Variants in CELF2 observed in about 807,000 individuals in gnomAD.
CELF2 encodes CUGBP Elav-like family member 2.
A neutral mutation model predicts 62.6 loss-of-function variants in CELF2; 8 were observed. The observed-to-expected ratio is 0.13, with a 90% confidence interval of 0.07 to 0.23. CELF2 has a LOEUF of 0.23. Among genes scored for constraint, CELF2 ranks in the 10% least tolerant of loss-of-function variants. The pLI, the probability that CELF2 is intolerant of heterozygous loss-of-function variation, is 1.00. For missense variants in CELF2, 333 were observed against 671.0 expected (o/e 0.50, Z 5.56); for synonymous variants, 258 against 250.0 (o/e 1.03, Z -0.30).
chr10:10,462,804 G>C, the CELF2 span, among the ~76,000 whole-genome samples: 4 of 151,830 alleles, frequency 2.6e-5, no homozygotes, highest in Non-Finnish European at 5.9e-5. Context: ...TGTCTACCCC[G>C]ATGATGCTTC....
intron 2 of CELF2, among the ~76,000 whole-genome samples, chr10:10,940,745 C>T (rs1425134095): frequency 1.3e-5 from 2 of 152,260 alleles, no homozygotes; most frequent in South Asian, 2.1e-4. Flanking sequence ...GCATAAATCT[C>T]AATGTGTTCA....
rs187807382 is a variant in CELF2, at chr10:11,316,969, C to T, written c.1096+2711C>T. 6.6e-6 allele frequency: 1 copy of T among 152,246 alleles called. No individual in the cohort carries two copies. The highest frequency in any genetic ancestry group is 2.4e-5 in the African/African-American group (1 of 41,546). The allele number at this position is 152,246 out of a possible 1,614,324, so 9.4% of individuals were successfully genotyped here. On this transcript the variant is annotated intron_variant, in intron 10 of 12. Coordinates refer to ENST00000633077, the MANE Select transcript of CELF2 (RefSeq NM_001326342.2). This position sits in a 1 kb window ranked among gnomAD's most constrained non-coding sequence, Gnocchi z 4.4. Reference sequence around the variant, plus strand: ...TGTGATTGACCATCAGAGTGTTCACCTCTGGATTTTTTCAGGGTTCCCTGA... The same window carrying T: ...TGTGATTGACCATCAGAGTGTTCACTTCTGGATTTTTTCAGGGTTCCCTGA...
chr10:10,660,939 C>T, the CELF2 span, among the ~76,000 whole-genome samples: 2 of 152,178 alleles, frequency 1.3e-5, no homozygotes, highest in Non-Finnish European at 2.9e-5. Flanking sequence ...TCATCTGTGT[C>T]GGGGACTCTG....
chr10:10,921,488 G>A (rs1247427844), intron 2 of CELF2, among the ~76,000 whole-genome samples: 4 of 145,802 alleles, frequency 2.7e-5, no homozygotes, highest in African/African-American at 1.0e-4. Context: ...AGCTGGTCTC[G>A]AACTCCTGAC....
chr10:10,554,262 A>G, the CELF2 span, among the ~76,000 whole-genome samples: 4 of 152,168 alleles, frequency 2.6e-5, no homozygotes, highest in African/African-American at 9.7e-5. Context: ...ATGTATGCAT[A>G]GGACATTTCA....
At chr10:11,019,922 T>G (rs978343416) in intron 1 of CELF2, among the ~76,000 whole-genome samples, 69 of 152,348 alleles carry the variant, frequency 4.5e-4, no homozygotes, top group Non-Finnish European at 8.8e-4. Flanking sequence ...ATTCGCCTAA[T>G]CATGATTTTG....
chr10:10,864,917 T>G (rs1207799619), intron 1 of CELF2, among the ~76,000 whole-genome samples: 1 of 152,194 alleles, frequency 6.6e-6, no homozygotes, highest in African/African-American at 2.4e-5. Flanking sequence ...GAAAAAGATA[T>G]ATATTCACAA....
chr10:11,043,660 C>A (rs944934775), intron 1 of CELF2, among the ~76,000 whole-genome samples: 1 of 152,166 alleles, frequency 6.6e-6, no homozygotes, highest in African/African-American at 2.4e-5. Flanking sequence ...CTTTGCTTCT[C>A]CCACATTCTC....
rs1365491804 is a variant in CELF2 at position 11,325,998 on chromosome 10, G to T, written c.1438+19G>T. 7 of 1,604,478 alleles carry T rather than the reference G, an allele frequency of 4.4e-6. No homozygotes were observed. The highest frequency in any genetic ancestry group is 6.0e-6 in the Non-Finnish European group (7 of 1,176,060). On this transcript the variant is annotated intron_variant, in intron 12 of 12. Coordinates refer to ENST00000633077, the MANE Select transcript of CELF2 (RefSeq NM_001326342.2). ...TGCTTTGGTATGCAAAAGAAACTAAGCTAGTATATTGCAGTAGGTTCCCAA... is the reference window on the plus strand; with the variant it reads ...TGCTTTGGTATGCAAAAGAAACTAATCTAGTATATTGCAGTAGGTTCCCAA...
the CELF2 span, among the ~76,000 whole-genome samples, chr10:10,558,180 A>G: frequency 2.6e-5 from 4 of 152,138 alleles, no homozygotes; most frequent in Non-Finnish European, 5.9e-5. Flanking sequence ...TTTGTCATAG[A>G]TAGCTCTTAT....
the CELF2 span, among the ~76,000 whole-genome samples, chr10:10,738,393 A>G: frequency 6.6e-6 from 1 of 152,216 alleles, no homozygotes; most frequent in East Asian, 1.9e-4. Context: ...AAATGGCAAA[A>G]GAGTGACTTG....
rs2095997198 is a variant in CELF2, at chr10:11,330,792, T to C, written c.*1739T>C. On this transcript the variant is annotated 3_prime_UTR_variant, in exon 13 of 13. Transcript: ENST00000633077. This position sits in a 1 kb window ranked among gnomAD's most constrained non-coding sequence, Gnocchi z 4.5. ...CAGACTTGAAAGTATTATACAGGGA[T>C]TGGCATTCTTCCCGGTCACTGGTAA... The C allele has an allele frequency of 6.6e-6, 1 of 152,622 alleles. No individual in the cohort carries two copies. Among genetic ancestry groups the C allele is most frequent in the Non-Finnish European group, 1.5e-5 (1 of 68,032 alleles). 9.5% of individuals were successfully genotyped at this position (152,622 alleles called of 1,614,324 possible).
intron 2 of CELF2, among the ~76,000 whole-genome samples, chr10:10,939,388 C>T (rs1394344984): frequency 6.6e-6 from 1 of 152,006 alleles, no homozygotes; most frequent in Admixed American, 6.6e-5. Flanking sequence ...TGGGTTCGAG[C>T]GATTCTCTTG....
chr10:11,184,859 A>G lies in CELF2; in HGVS notation c.271+19177A>G, dbSNP rs576412532. ...TAAAGACAGTTCTACTTCTTTTCCA[A>G]TCTAAGTCTTGTCTTTTCTTGCCTG... On this transcript the variant is annotated intron_variant, in intron 2 of 12. Transcript: ENST00000633077. Among the ~76,000 whole-genome samples the G allele has an allele frequency of 5.9e-5, 9 of 152,270 alleles. No homozygotes were observed. The South Asian group carries it at 1.7e-3, about 28-fold the overall frequency.
At chr10:10,845,995 C>A (rs755077583) in intron 1 of CELF2, 14 of 348,830 alleles carry the variant, frequency 4.0e-5, no homozygotes, top group Non-Finnish European at 5.2e-5. Context: ...GACGTAAGTG[C>A]GTCTGTGTGT....
At chr10:10,683,686 A>G in the CELF2 span, among the ~76,000 whole-genome samples, 7 of 152,228 alleles carry the variant, frequency 4.6e-5, no homozygotes, top group Admixed American at 1.3e-4. Context: ...CCTAAAACAC[A>G]TATGCATTGC....
chr10:11,265,565 T>G (rs1423676787), intron 5 of CELF2, among the ~76,000 whole-genome samples: 1 of 152,252 alleles, frequency 6.6e-6, no homozygotes, highest in South Asian at 2.1e-4. Context: ...TCTGCATTAA[T>G]TTCACAGTCT....
the CELF2 span, among the ~76,000 whole-genome samples, chr10:10,464,945 A>G: frequency 6.6e-6 from 1 of 152,268 alleles, no homozygotes; most frequent in South Asian, 2.1e-4. Flanking sequence ...GTGCTATGAC[A>G]TTACAGGCTC....
the CELF2 span, among the ~76,000 whole-genome samples, chr10:10,607,591 G>T: frequency 3.9e-5 from 6 of 152,158 alleles, no homozygotes; most frequent in African/African-American, 1.4e-4. Flanking sequence ...CTTTTTCTCT[G>T]TGAATTTTAG....
Sources: gnomAD v4.1 joint callset for allele counts (sites outside exome capture counted in the v4.1 genomes callset) on GRCh38, gnomAD v4.1.1 for gene constraint, Gnocchi (gnomAD v3.1) non-coding constraint, MANE v1.5 for transcripts, NCBI Gene and HGNC (gene_info 2026-07-23, HGNC 2026-07-21) for gene names.